TSEN54: variants seen among roughly 807,000 people sequenced by gnomAD.
TSEN54 encodes the protein tRNA-splicing endonuclease subunit Sen54.
A neutral mutation model predicts 61.9 loss-of-function variants in TSEN54; 55 were observed. The observed-to-expected ratio is 0.89, with a 90% confidence interval of 0.72 to 1.11. TSEN54 has a LOEUF of 1.11. TSEN54 is among the 50% of genes most tolerant of loss of function. TSEN54 has a pLI of 0.00. For synonymous variants in TSEN54, 304 were observed against 288.7 expected (o/e 1.05, Z -0.54); for missense variants, 760 against 687.7 (o/e 1.11, Z -1.18).
Position 75,522,043 on chromosome 17 carries a change from A to G in TSEN54, c.962A>G (p.Glu321Gly). 1 of 1,591,022 alleles carries G rather than the reference A, an allele frequency of 6.3e-7. No individual in the cohort carries two copies. The highest frequency in any genetic ancestry group is 2.3e-5 in the East Asian group (1 of 43,508). ...ACCCTTCTGCGCGCCCCAGCCCCAG[A>G]GCTGCTCCCGGCCAACGTGGCTGGG... ...RHTLLRAPAP[E>G]LLPANVAGRE... Residue 321 changes from glutamate (E) to glycine (G), a missense_variant, in exon 8 of 11, where the codon GAG becomes GGG. Transcript: ENST00000333213.
chr17:75,516,833 G>C lies in TSEN54; in HGVS notation c.144G>C (p.Ser48=). The change falls in exon 2 of 11, where the codon TCG becomes TCC. Residue 48 remains serine (S), a synonymous_variant. Transcript: ENST00000333213. ...CCAAGGACTTTCTGCCCGACGGCTC[G>C]GCAGCTCAGGCCGAGCGGCTGCGCC... The part of the protein sequence containing the change: ...HGPKDFLPDG[S]AAQAERLRRC... 1 of 1,588,790 alleles carries C rather than the reference G, an allele frequency of 6.3e-7. No individual in the cohort carries two copies. The highest frequency in any genetic ancestry group is 8.5e-7 in the Non-Finnish European group (1 of 1,174,540).
At chr17:75,523,867 G>A in intron 10 of TSEN54, 88 bp downstream of exon 10, 1 of 1,438,832 alleles carries the variant, frequency 7.0e-7, no homozygotes. Flanking sequence ...CCCCTGGCCA[G>A]CGTGCCAATC....
intron 8 of TSEN54, chr17:75,522,728 T>C: frequency 2.9e-6 from 1 of 344,100 alleles, no homozygotes. Flanking sequence ...AAGCTAAATG[T>C]GTTAACGGAT....
intron 10 of TSEN54, 35 bp from the exon 11 acceptor site, chr17:75,524,227 T>C: frequency 6.2e-7 from 1 of 1,613,948 alleles, no homozygotes; most frequent in East Asian, 2.2e-5. Context: ...GAGTGGGCTA[T>C]GGCTGGGTCT....
chr17:75,517,440 C>A, intron 4 of TSEN54, 117 bp from the exon 5 acceptor site: 3 of 1,202,934 alleles, frequency 2.5e-6, no homozygotes, highest in Non-Finnish European at 2.5e-6. Context: ...TGGTTGGCCA[C>A]ATTCTTGATG....
In TSEN54 at chr17:75,516,889, C is replaced by T. The variant is rs1326441166; in HGVS notation, c.200C>T (p.Ala67Val). 1.7e-5 allele frequency: 26 copies of T among 1,552,574 alleles called. No individual in the cohort carries two copies. Among genetic ancestry groups the T allele is most frequent in the Non-Finnish European group, 2.3e-5 (26 of 1,154,656 alleles). ...RCREELWQLL[A>V]EQRVERLGSL... The stretch of plus-strand genomic sequence containing the variant: ...CGGGAAGAGCTCTGGCAGCTGCTGG[C>T]AGAGCAGCGCGTGGAGCGCCTGTGA... Residue 67 changes from alanine (A) to valine (V), a missense_variant, in exon 2 of 11, where the codon GCA (alanine) becomes GTA (valine). By Grantham distance (64) the Ala-to-Val change is moderately conservative. Transcript: ENST00000333213.
intron 10 of TSEN54, 65 bp from the exon 11 acceptor site, chr17:75,524,194 TCTC>T (rs2053472418): frequency 6.2e-7 from 1 of 1,607,412 alleles, no homozygotes; most frequent in African/African-American, 1.3e-5. Context: ...TAGAATCTCT[TCTC>T]TGGGAGCCCT....
At chr17:75,518,133 A>G (rs955757264) in intron 5 of TSEN54, among the ~76,000 whole-genome samples, 3 of 152,204 alleles carry the variant, frequency 2.0e-5, no homozygotes, top group African/African-American at 7.2e-5. Flanking sequence ...TGGGAGGACA[A>G]GACCAGTCGA....
rs369801130 is a variant in TSEN54 at position 75,521,839 on chromosome 17, G to C, written c.758G>C (p.Gly253Ala). ...CCCCAGGAGTCAAGCCCCATGAAGG[G>C]CCCAGGGGGCCCCTTTCAGCTTCTG... ...EKPQESSPMK[G>A]PGGPFQLLGS... The change falls in exon 8 of 11, where the codon GGC (glycine) becomes GCC (alanine). Residue 253 changes from glycine (G) to alanine (A), a missense_variant. By Grantham distance (60) the Gly-to-Ala change is moderately conservative. Coordinates refer to ENST00000333213, the MANE Select transcript of TSEN54 (RefSeq NM_207346.3). 2.5e-6 allele frequency: 4 copies of C among 1,612,446 alleles called. No homozygotes were observed. The Admixed American group carries it at 6.7e-5, about 27-fold the overall frequency.
chr17:75,521,465 T>C lies in TSEN54; in HGVS notation c.578T>C (p.Leu193Ser). ...AACCTGGATGCCAGCGTGCAGCACT[T>C]GGAGGATGGAGATGGCAAGAGAAAG... ...QLNLDASVQH[L>S]EDGDGKRKRS... is the part of the protein sequence containing the mutation. The change falls in exon 7 of 11, where the codon TTG (leucine) becomes TCG (serine). Residue 193 changes from leucine to serine, a missense_variant. Physicochemically the swap from Leu to Ser is moderately radical, Grantham distance 145 (BLOSUM62 -2). Transcript: ENST00000333213. 6.2e-7 allele frequency: 1 copy of C among 1,614,076 alleles called. No homozygotes were observed. The highest frequency in any genetic ancestry group is 2.2e-5 in the East Asian group (1 of 44,880).
chr17:75,518,117 C>G (rs1164854128), intron 5 of TSEN54, among the ~76,000 whole-genome samples: 4 of 152,092 alleles, frequency 2.6e-5, no homozygotes, highest in Admixed American at 2.6e-4. Flanking sequence ...TGAAGAGGAG[C>G]AGATTTGGGA....
rs2053474518 is a variant in TSEN54 at position 75,524,266 on chromosome 17, G to A, written c.1435G>A (p.Asp479Asn). The part of the protein sequence containing the change: ...PYARMCISGF[D>N]EPVPDLCSLK... ...TCTAACCCTTTGTCCCTGCAGATTT[G>A]ATGAGCCTGTCCCAGACCTCTGCAG... is the stretch of plus-strand genomic sequence containing the variant. Residue 479 changes from aspartate to asparagine, a missense_variant, in exon 11 of 11, where the codon GAT becomes AAT. Around this residue, in one of 3 missense-constraint regions of TSEN54, gnomAD observed 83 missense variants for 82.9 expected, o/e 1.00. Coordinates refer to ENST00000333213, the MANE Select transcript of TSEN54 (RefSeq NM_207346.3). The A allele has an allele frequency of 6.2e-7, 1 of 1,614,054 alleles. No individual in the cohort carries two copies. Among genetic ancestry groups the A allele is most frequent in the Non-Finnish European group, 8.5e-7 (1 of 1,180,048 alleles).
chr17:75,517,956 T>C (rs901521169), intron 5 of TSEN54, among the ~76,000 whole-genome samples: 17 of 152,192 alleles, frequency 1.1e-4, no homozygotes, highest in Admixed American at 5.9e-4. Flanking sequence ...GAAAAATAGA[T>C]GAATCTCAGA....
chr17:75,523,949 T>A (rs2053465720), intron 10 of TSEN54, among the ~76,000 whole-genome samples, 170 bp downstream of exon 10: 1 of 152,226 alleles, frequency 6.6e-6, no homozygotes, highest in Non-Finnish European at 1.5e-5. Context: ...TGTGCTGCCC[T>A]ACTCTGAGCT....
Position 75,516,907 on chromosome 17 carries a change from G to A in TSEN54, c.218G>A (p.Arg73His). The A allele has an allele frequency of 6.5e-7, 1 of 1,544,260 alleles. No homozygotes were observed. The highest frequency in any genetic ancestry group is 8.7e-7 in the Non-Finnish European group (1 of 1,147,880). The change falls in exon 2 of 11, where the codon CGC becomes CAC. Residue 73 changes from arginine to histidine, a missense_variant. Arg to His is a conservative substitution (Grantham distance 29). Coordinates refer to ENST00000333213, the MANE Select transcript of TSEN54 (RefSeq NM_207346.3). ...CTGCTGGCAGAGCAGCGCGTGGAGC[G>A]CCTGTGAGAGGGGCGGGCCCAGGGG... ...WQLLAEQRVE[R>H]LGSLVAAEWR...
rs1245962360 is a variant in TSEN54 at position 75,523,696 on chromosome 17, C to T, written c.1347C>T (p.Ile449=). ...AGAAGTCTGGGGGCTTGGAAATCAT[C>T]TTTGATGTTTACCAGGCCGACGCTG... is the stretch of plus-strand genomic sequence containing the variant. ...LLEKSGGLEI[I]FDVYQADAVA... is the part of the protein sequence containing the mutation. Residue 449 remains isoleucine (I), a synonymous_variant, in exon 10 of 11, where the codon ATC becomes ATT. Transcript: ENST00000333213. 2 of 1,614,176 alleles carry T rather than the reference C, an allele frequency of 1.2e-6. No homozygotes were observed. The highest frequency in any genetic ancestry group is 1.1e-5 in the South Asian group (1 of 91,090).
intron 6 of TSEN54, among the ~76,000 whole-genome samples, chr17:75,520,105 G>A (rs1285096342): frequency 6.6e-6 from 1 of 152,160 alleles, no homozygotes; most frequent in African/African-American, 2.4e-5. Context: ...GCAAACAAGA[G>A]TTGAACAAGA....
rs371212469 is a variant in TSEN54 at position 75,522,152 on chromosome 17, G to A, written c.1071G>A (p.Ala357=). Residue 357 remains alanine (A), a synonymous_variant, in exon 8 of 11, where the codon GCG becomes GCA. Transcript: ENST00000333213. ...KLSRREREHH[A]EAAQFQEDVN... is the part of the protein sequence containing the mutation. Reference sequence around the variant, plus strand: ...CCAGGCGGGAACGGGAGCACCACGCGGAGGCCGCGCAGTTCCAGGAAGATG... The same window carrying A: ...CCAGGCGGGAACGGGAGCACCACGCAGAGGCCGCGCAGTTCCAGGAAGATG... 147 of 1,557,324 alleles carry A rather than the reference G, an allele frequency of 9.4e-5. No individual in the cohort carries two copies. In the South Asian group the frequency reaches 1.4e-3, roughly 15 times the overall value.
chr17:75,521,824 C>G lies in TSEN54; in HGVS notation c.743C>G (p.Ser248Ter). 1.2e-6 allele frequency: 2 copies of G among 1,613,002 alleles called. No homozygotes were observed. The highest frequency in any genetic ancestry group is 1.7e-6 in the Non-Finnish European group (2 of 1,179,950). ...SQCPEEKPQESSPMKGPGGPF... is the reference protein window; with the variant it reads ...SQCPEEKPQE ...TGCCCAGAGGAGAAACCCCAGGAGT[C>G]AAGCCCCATGAAGGGCCCAGGGGGC... The change falls in exon 8 of 11, where the codon TCA (serine) becomes TGA (stop). Residue 248 changes from serine to a stop codon, truncating the protein, a stop_gained. Transcript: ENST00000333213. LOFTEE classifies it high-confidence loss of function.
Sources: gnomAD v4.1 joint callset for allele counts (sites outside exome capture counted in the v4.1 genomes callset) on GRCh38, gnomAD v4.1.1 for gene constraint, gnomAD v4.1.1 regional missense constraint, MANE v1.5 for transcripts, NCBI Gene and HGNC (gene_info 2026-07-23, HGNC 2026-07-21) for gene names.